The following SCFD2 variants were observed in gnomAD, a reference collection of about 807,000 sequenced individuals.
SCFD2 encodes sec1 family domain-containing protein 2.
Under a neutral mutation model 58.9 loss-of-function variants are expected in SCFD2, and 54 were observed. The ratio of observed to expected loss-of-function variants is 0.92; its 90% CI spans 0.74 to 1.15. The LOEUF is 1.15. Ranked by LOEUF, SCFD2 falls within the 50% of genes most tolerant of loss-of-function variation. SCFD2 has a pLI of 0.00. For synonymous variants in SCFD2, 321 were observed against 335.9 expected, an observed-to-expected ratio of 0.96 and a Z score of 0.49; for missense variants, 805 against 836.6, an observed-to-expected ratio of 0.96 and a Z score of 0.47.
chr4:53,128,762 C>G (rs1310345847), intron 5 of SCFD2, among the ~76,000 whole-genome samples: 1 of 151,954 alleles, frequency 6.6e-6, no homozygotes, highest in Non-Finnish European at 1.5e-5. Flanking sequence ...AAGAGATGAC[C>G]AAAATACTAT....
intron 2 of SCFD2, among the ~76,000 whole-genome samples, chr4:53,350,310 C>T (rs971303974): frequency 2.0e-5 from 3 of 152,172 alleles, no homozygotes; most frequent in African/African-American, 7.2e-5. Context: ...AAAAGTCAGT[C>T]TTACCATTTC....
intron 4 of SCFD2, among the ~76,000 whole-genome samples, chr4:53,209,278 A>G (rs1728530063): frequency 6.6e-6 from 1 of 152,176 alleles, no homozygotes; most frequent in Admixed American, 6.5e-5. Flanking sequence ...ATAAAGCTAA[A>G]TACAATGATA....
intron 2 of SCFD2, among the ~76,000 whole-genome samples, chr4:53,329,411 C>T (rs1264989666): frequency 2.0e-5 from 3 of 152,048 alleles, no homozygotes; most frequent in African/African-American, 7.2e-5. Context: ...AACGGGCAGA[C>T]TGCCTCCTCA....
intron 7 of SCFD2, 123 bp from the exon 8 acceptor site, chr4:52,885,989 C>A (rs1577797819): frequency 1.3e-5 from 16 of 1,232,290 alleles, no homozygotes; most frequent in Non-Finnish European, 1.8e-5. Flanking sequence ...TGGCAGGAGG[C>A]AGACAAATCC....
At chr4:52,970,202 G>A in intron 5 of SCFD2, among the ~76,000 whole-genome samples, 1 of 152,226 alleles carries the variant, frequency 6.6e-6, no homozygotes, top group East Asian at 1.9e-4. Context: ...CCCAGTGTGA[G>A]CCAAAGCAGG....
At chr4:53,124,127 G>A (rs1725559403) in intron 5 of SCFD2, among the ~76,000 whole-genome samples, 1 of 152,204 alleles carries the variant, frequency 6.6e-6, no homozygotes, top group Non-Finnish European at 1.5e-5. Flanking sequence ...TATGAGACCA[G>A]TGAGCTAGGA....
chr4:53,296,291 A>C (rs567145806), intron 3 of SCFD2, among the ~76,000 whole-genome samples: 1 of 152,264 alleles, frequency 6.6e-6, no homozygotes, highest in South Asian at 2.1e-4. Flanking sequence ...TTGGTAGGCT[A>C]TTAATTGCTG....
chr4:53,107,923 C>T lies in SCFD2; in HGVS notation c.1561+37410G>A, dbSNP rs572991196. ...TCCACCCCAAATCAACAGAATATACCTTCTTCACAGCACCACATCGCACTT... is the reference window on the plus strand; with the variant it reads ...TCCACCCCAAATCAACAGAATATACTTTCTTCACAGCACCACATCGCACTT... On this transcript the variant is annotated intron_variant, in intron 5 of 8. Transcript: ENST00000401642. Among the ~76,000 whole-genome samples, 3 of 152,204 alleles carry T rather than the reference C, an allele frequency of 2.0e-5. No individual in the cohort carries two copies. The South Asian group carries it at 6.2e-4, about 32-fold the overall frequency.
chr4:53,342,871 C>G (rs1042627808), intron 2 of SCFD2, among the ~76,000 whole-genome samples: 1 of 152,100 alleles, frequency 6.6e-6, no homozygotes, highest in South Asian at 2.1e-4. Context: ...GGGTACATAA[C>G]GAAATGAAGG....
At chr4:53,113,947 T>G (rs1172318785) in intron 5 of SCFD2, among the ~76,000 whole-genome samples, 1 of 92,536 alleles carries the variant, frequency 1.1e-5, no homozygotes, top group Non-Finnish European at 2.8e-5. Context: ...TGTTTTAGTA[T>G]AATTATTACA....
intron 1 of SCFD2, among the ~76,000 whole-genome samples, chr4:53,360,625 G>C (rs566778289): frequency 5.9e-5 from 9 of 152,308 alleles, no homozygotes; most frequent in East Asian, 1.9e-4. Flanking sequence ...CTTCTCAGGA[G>C]ATCTCACCCC....
At chr4:53,272,642 A>G (rs183882969) in intron 4 of SCFD2, among the ~76,000 whole-genome samples, 26 of 150,928 alleles carry the variant, frequency 1.7e-4, no homozygotes, top group Admixed American at 5.9e-4. Flanking sequence ...ATAGGTGGGA[A>G]TTGAAAAATG....
chr4:53,219,927 C>T (rs1184094859), intron 4 of SCFD2, among the ~76,000 whole-genome samples: 1 of 152,164 alleles, frequency 6.6e-6, no homozygotes, highest in Non-Finnish European at 1.5e-5. Context: ...CCAGTCATCC[C>T]CTCCACTTCC....
chr4:52,982,404 T>C lies in SCFD2; in HGVS notation c.1562-61534A>G, dbSNP rs147311876. On this transcript the variant is annotated intron_variant, in intron 5 of 8. Coordinates refer to ENST00000401642, the MANE Select transcript of SCFD2 (RefSeq NM_152540.4). ...AATGTTGGGTATAAATAGGCATTCA[T>C]TGAAATCACACTGATTTTGATGACT... Among the ~76,000 whole-genome samples, 706 of 152,334 alleles carry C rather than the reference T, an allele frequency of 4.6e-3. 7 individuals are homozygous for C. The highest frequency in any genetic ancestry group is 0.031 in the Middle Eastern group (9 of 292).
intron 4 of SCFD2, among the ~76,000 whole-genome samples, chr4:53,267,748 C>G (rs1731035142): frequency 6.6e-6 from 1 of 151,694 alleles, no homozygotes; most frequent in African/African-American, 2.4e-5. Flanking sequence ...GCCTGGGGTT[C>G]CTCAGTCTTT....
chr4:53,162,040 A>G (rs576082795), intron 4 of SCFD2, among the ~76,000 whole-genome samples: 17 of 152,220 alleles, frequency 1.1e-4, no homozygotes, highest in Admixed American at 9.2e-4. Flanking sequence ...GCCAGTGCCA[A>G]CTCAACATGT....
intron 5 of SCFD2, among the ~76,000 whole-genome samples, chr4:53,015,580 C>T (rs1722191972): frequency 1.3e-5 from 2 of 152,282 alleles, no homozygotes; most frequent in South Asian, 4.2e-4. Context: ...CTTATCAGCA[C>T]ACGTCTTCCA....
chr4:53,306,133 T>C (rs1732505599), intron 3 of SCFD2, among the ~76,000 whole-genome samples: 1 of 152,052 alleles, frequency 6.6e-6, no homozygotes, highest in Admixed American at 6.6e-5. Context: ...ATAGAGAAAA[T>C]GTTGGGAGAG....
chr4:53,130,420 G>A (rs1725754743), intron 5 of SCFD2, among the ~76,000 whole-genome samples: 1 of 152,178 alleles, frequency 6.6e-6, no homozygotes, highest in Admixed American at 6.5e-5. Flanking sequence ...TATAAACCTG[G>A]TTCTTTAATG....
Sources: gnomAD v4.1 joint callset for allele counts (sites outside exome capture counted in the v4.1 genomes callset) on GRCh38, gnomAD v4.1.1 for gene constraint, MANE v1.5 for transcripts, NCBI Gene and HGNC (gene_info 2026-07-23, HGNC 2026-07-21) for gene names.